Variants in COL5A2 observed in about 807,000 individuals in gnomAD.
The protein encoded by COL5A2 is collagen type V alpha 2 chain.
Under a neutral mutation model 208.2 loss-of-function variants are expected in COL5A2, and 23 were observed. The ratio of observed to expected loss-of-function variants is 0.11; its 90% CI spans 0.08 to 0.16. COL5A2 has a LOEUF of 0.16. Among genes scored for constraint, COL5A2 ranks in the 10% least tolerant of loss-of-function variants. COL5A2 has a pLI of 1.00. For missense variants in COL5A2, 1,590 were observed against 1,956.4 expected (o/e 0.81, Z 3.53); for synonymous variants, 625 against 628.5 (o/e 0.99, Z 0.08).
the COL5A2 span, among the ~76,000 whole-genome samples, chr2:189,274,208 C>T: frequency 6.6e-6 from 1 of 152,018 alleles, no homozygotes; most frequent in Non-Finnish European, 1.5e-5. Context: ...TAAGGTATAA[C>T]CCAGATATAC....
At chr2:189,039,139 C>G (rs1685504523) in intron 51 of COL5A2, 133 bp downstream of exon 51, 1 of 1,135,042 alleles carries the variant, frequency 8.8e-7, no homozygotes, top group Admixed American at 1.8e-5. Context: ...AAATTATAAG[C>G]TCCATGATAT....
intron 53 of COL5A2, 144 bp downstream of exon 53, chr2:189,034,772 T>A: frequency 1.1e-6 from 1 of 893,358 alleles, no homozygotes; most frequent in South Asian, 1.5e-5. Context: ...CACACACATT[T>A]ACCCTAAGGA....
chr2:189,258,532 T>A, the COL5A2 span, among the ~76,000 whole-genome samples: 449 of 152,262 alleles, frequency 2.9e-3, 2 homozygotes, highest in African/African-American at 0.01. Flanking sequence ...AGTGAAAGTG[T>A]TCTACTTTTG....
chr2:189,208,604 G>A (rs948772501), intron 1 of COL5A2, among the ~76,000 whole-genome samples: 27 of 152,296 alleles, frequency 1.8e-4, no homozygotes, highest in African/African-American at 6.0e-4. Context: ...GAATAGAAAC[G>A]AAGGATTGGG....
intron 1 of COL5A2, among the ~76,000 whole-genome samples, chr2:189,188,681 A>G (rs998764305): frequency 2.6e-5 from 4 of 152,188 alleles, no homozygotes; most frequent in African/African-American, 9.7e-5. Flanking sequence ...CCTATAAGAA[A>G]TGAGTGTGCT....
At chr2:189,054,120 C>T (rs1243698993) in intron 36 of COL5A2, 39 bp downstream of exon 36, 1 of 1,572,160 alleles carries the variant, frequency 6.4e-7, no homozygotes, top group Non-Finnish European at 8.8e-7. Context: ...ATTCAGGACT[C>T]ATAATTTTGA....
chr2:189,414,639 A>G, the COL5A2 span, among the ~76,000 whole-genome samples: 2 of 150,006 alleles, frequency 1.3e-5, no homozygotes, highest in Admixed American at 6.7e-5. Context: ...AATCCCAACT[A>G]CTCGAAGGCT....
At chr2:189,057,943 A>G (rs1011753323) in intron 33 of COL5A2, among the ~76,000 whole-genome samples, 6 of 152,114 alleles carry the variant, frequency 3.9e-5, no homozygotes, top group Non-Finnish European at 4.4e-5. Flanking sequence ...TGGCCACATT[A>G]TTTTCTACCA....
At chr2:189,149,050 G>A (rs1688094866) in intron 1 of COL5A2, among the ~76,000 whole-genome samples, 1 of 152,182 alleles carries the variant, frequency 6.6e-6, no homozygotes, top group Non-Finnish European at 1.5e-5. Context: ...TGAGGCAGGA[G>A]AATGACTTGA....
At chr2:189,043,013 T>G in intron 48 of COL5A2, 138 bp downstream of exon 48, 1 of 803,468 alleles carries the variant, frequency 1.2e-6, no homozygotes, top group Non-Finnish European at 2.1e-6. Context: ...TTATCACTTG[T>G]TATTCATCAA....
At chr2:189,337,340 G>A in the COL5A2 span, among the ~76,000 whole-genome samples, 11 of 151,360 alleles carry the variant, frequency 7.3e-5, no homozygotes, top group Non-Finnish European at 1.3e-4. Flanking sequence ...CCGCCACTAC[G>A]CCCGGCTAAT....
At chr2:189,091,559 G>C (rs996638891) in intron 7 of COL5A2, among the ~76,000 whole-genome samples, 10 of 151,918 alleles carry the variant, frequency 6.6e-5, no homozygotes, top group African/African-American at 2.4e-4. Flanking sequence ...TTAACAATAA[G>C]GTATTTTTAA....
chr2:189,417,781 T>C, the COL5A2 span, among the ~76,000 whole-genome samples: 21 of 152,140 alleles, frequency 1.4e-4, no homozygotes, highest in African/African-American at 4.1e-4. Flanking sequence ...TTCATTCTTT[T>C]TATGGCTGAG....
the COL5A2 span, among the ~76,000 whole-genome samples, chr2:189,425,697 G>T: frequency 6.6e-6 from 1 of 152,164 alleles, no homozygotes; most frequent in African/African-American, 2.4e-5. Context: ...CTTGTGGAAG[G>T]TGCTTGAATC....
chr2:189,363,846 C>T, the COL5A2 span, among the ~76,000 whole-genome samples: 103 of 152,286 alleles, frequency 6.8e-4, no homozygotes, highest in African/African-American at 2.3e-3. Flanking sequence ...GAAGTGATTG[C>T]TAGCCTTCTC....
chr2:189,037,979 A>G (rs560319936), intron 51 of COL5A2, among the ~76,000 whole-genome samples: 1 of 152,354 alleles, frequency 6.6e-6, no homozygotes, highest in South Asian at 2.1e-4. Context: ...TGGAACTACC[A>G]TCATGAAACT....
At chr2:189,339,312 C>G in the COL5A2 span, among the ~76,000 whole-genome samples, 1 of 149,514 alleles carries the variant, frequency 6.7e-6, no homozygotes, top group African/African-American at 2.5e-5. Flanking sequence ...GACTGCGCCA[C>G]TGCACTCCAG....
At chr2:189,138,367 A>G (rs908503597) in intron 1 of COL5A2, among the ~76,000 whole-genome samples, 31 of 152,144 alleles carry the variant, frequency 2.0e-4, no homozygotes, top group Middle Eastern at 3.4e-3. Context: ...TTTATATATC[A>G]CATATAGGAA....
intron 1 of COL5A2, among the ~76,000 whole-genome samples, chr2:189,185,656 TG>T (rs1277533201): frequency 6.6e-6 from 1 of 152,202 alleles, no homozygotes; most frequent in Non-Finnish European, 1.5e-5. Context: ...GAGCATGTTC[TG>T]TGTAGACCTC....
Sources: gnomAD v4.1 joint callset for allele counts (sites outside exome capture counted in the v4.1 genomes callset) on GRCh38, gnomAD v4.1.1 for gene constraint, MANE v1.5 for transcripts, NCBI Gene and HGNC (gene_info 2026-07-23, HGNC 2026-07-21) for gene names.